KCNIP4: variants seen among roughly 807,000 people sequenced by gnomAD.
KCNIP4 encodes Kv channel-interacting protein 4.
KCNIP4 carries 12 observed loss-of-function variants against 34.0 expected under a neutral mutation model. The observed-to-expected ratio is 0.35, with a 90% CI of 0.23 to 0.57. KCNIP4 has a LOEUF of 0.57. KCNIP4 is among the 20% of genes least tolerant of loss of function. KCNIP4 has a pLI of 0.83. For missense variants in KCNIP4, 238 were observed against 311.7 expected (o/e 0.76, Z 1.78); for synonymous variants, 124 against 102.2 (o/e 1.21, Z -1.29).
intron 1 of KCNIP4, among the ~76,000 whole-genome samples, chr4:21,513,630 G>A (rs1471858718): frequency 6.6e-6 from 1 of 152,202 alleles, no homozygotes; most frequent in Non-Finnish European, 1.5e-5. Flanking sequence ...GGTTTGCTGT[G>A]AGAGTGGAAT....
At chr4:21,942,614 A>C (rs1006440957) in intron 1 of KCNIP4, among the ~76,000 whole-genome samples, 1 of 152,260 alleles carries the variant, frequency 6.6e-6, no homozygotes, top group Non-Finnish European at 1.5e-5. Flanking sequence ...ATGGAAAGAC[A>C]TGGAGCCAAA....
intron 1 of KCNIP4, among the ~76,000 whole-genome samples, chr4:21,875,291 C>T (rs962068227): frequency 6.6e-6 from 1 of 152,176 alleles, no homozygotes; most frequent in African/African-American, 2.4e-5. Context: ...GAGCCAACTG[C>T]TGCAAATAGA....
At chr4:21,102,905 C>CA (rs2109073830) in intron 1 of KCNIP4, among the ~76,000 whole-genome samples, 1 of 152,252 alleles carries the variant, frequency 6.6e-6, no homozygotes, top group South Asian at 2.1e-4. Flanking sequence ...GGGGTATACT[C>CA]CTTTTGAGAC....
At chr4:21,523,750 A>C (rs555617630) in intron 1 of KCNIP4, among the ~76,000 whole-genome samples, 1 of 151,698 alleles carries the variant, frequency 6.6e-6, no homozygotes, top group East Asian at 2.0e-4. Context: ...TTTTTTATTA[A>C]TATTTTCAGA....
intron 3 of KCNIP4, among the ~76,000 whole-genome samples, chr4:20,804,850 T>C (rs1560478116): frequency 6.6e-6 from 1 of 152,228 alleles, no homozygotes; most frequent in Non-Finnish European, 1.5e-5. Context: ...ACCTCATCTC[T>C]ACCTTTTTCT....
intron 1 of KCNIP4, among the ~76,000 whole-genome samples, chr4:21,485,117 C>T (rs916095147): frequency 3.9e-5 from 6 of 152,266 alleles, no homozygotes; most frequent in African/African-American, 1.4e-4. Context: ...GCAATCTCAG[C>T]TCTAAAATCT....
intron 1 of KCNIP4, chr4:21,852,471 T>A (rs1724472527): frequency 6.6e-6 from 1 of 152,202 alleles, no homozygotes; most frequent in African/African-American, 2.4e-5. Flanking sequence ...TAATTAGAAA[T>A]GGTCTAAATT....
intron 1 of KCNIP4, among the ~76,000 whole-genome samples, chr4:21,478,423 G>A (rs1426943533): frequency 1.3e-5 from 2 of 152,054 alleles, no homozygotes; most frequent in East Asian, 1.9e-4. Context: ...TATCTACAAG[G>A]CAGTAAGGTT....
chr4:21,265,649 A>C (rs1006518430), intron 1 of KCNIP4, among the ~76,000 whole-genome samples: 3 of 152,188 alleles, frequency 2.0e-5, no homozygotes, highest in Non-Finnish European at 4.4e-5. Flanking sequence ...ATTTTGAATA[A>C]AGTTATTGAC....
chr4:20,730,218 CA>C, intron 8 of KCNIP4, 89 bp from the exon 9 acceptor site: 1 of 1,396,842 alleles, frequency 7.2e-7, no homozygotes, highest in Non-Finnish European at 9.6e-7. Flanking sequence ...CTCCTCCCAT[CA>C]ACCACCTCAA....
intron 1 of KCNIP4, among the ~76,000 whole-genome samples, chr4:21,822,114 G>A (rs1722389060): frequency 6.6e-6 from 1 of 152,094 alleles, no homozygotes; most frequent in Non-Finnish European, 1.5e-5. Flanking sequence ...GAATTCATCA[G>A]GATTTCTACC....
At chr4:21,683,093 G>A (rs374033296) in intron 1 of KCNIP4, among the ~76,000 whole-genome samples, 1 of 152,110 alleles carries the variant, frequency 6.6e-6, no homozygotes, top group Non-Finnish European at 1.5e-5. Flanking sequence ...AGAACAATAC[G>A]ATGAGGCATG....
intron 1 of KCNIP4, among the ~76,000 whole-genome samples, chr4:21,503,727 C>A (rs1733555316): frequency 6.6e-6 from 1 of 152,102 alleles, no homozygotes; most frequent in South Asian, 2.1e-4. Flanking sequence ...GGTCATAGAG[C>A]AAGTGAGCAG....
intron 1 of KCNIP4, among the ~76,000 whole-genome samples, chr4:21,078,287 G>A (rs373552007): frequency 1.6e-4 from 24 of 152,034 alleles, no homozygotes; most frequent in African/African-American, 5.1e-4. Flanking sequence ...CCAACCTGTC[G>A]TAATCAGCTT....
chr4:21,713,373 C>A (rs983334801), intron 1 of KCNIP4, among the ~76,000 whole-genome samples: 2 of 152,138 alleles, frequency 1.3e-5, no homozygotes, highest in East Asian at 3.9e-4. Context: ...TCTTCTTGAA[C>A]ACTGCTGGGA....
intron 1 of KCNIP4, among the ~76,000 whole-genome samples, chr4:21,791,106 T>G (rs1234448470): frequency 2.0e-5 from 3 of 151,724 alleles, no homozygotes; most frequent in Admixed American, 2.0e-4. Flanking sequence ...TCAACAGAAA[T>G]GTATTCCTCA....
intron 1 of KCNIP4, among the ~76,000 whole-genome samples, chr4:21,441,999 C>T (rs1227522704): frequency 6.6e-6 from 1 of 152,308 alleles, no homozygotes; most frequent in East Asian, 1.9e-4. Flanking sequence ...ATACTCAAGA[C>T]TGGTCCTACT....
At chr4:20,948,303 T>C (rs956985546) in intron 1 of KCNIP4, among the ~76,000 whole-genome samples, 1 of 152,238 alleles carries the variant, frequency 6.6e-6, no homozygotes, top group Non-Finnish European at 1.5e-5. Context: ...TTAATAAGTA[T>C]TGACCCAAAT....
At chr4:21,534,220 A>G (rs1163482915) in intron 1 of KCNIP4, among the ~76,000 whole-genome samples, 1 of 151,766 alleles carries the variant, frequency 6.6e-6, no homozygotes, top group East Asian at 1.9e-4. Context: ...GTTAGCTCTA[A>G]TTATTTCTGT....
Sources: allele counts gnomAD v4.1 joint callset (sites outside exome capture counted in the v4.1 genomes callset), GRCh38; gene constraint gnomAD v4.1.1; transcripts MANE v1.5; gene names NCBI Gene and HGNC (gene_info 2026-07-23, HGNC 2026-07-21).